The following SEMA3B variants were observed in gnomAD, a reference collection of about 807,000 sequenced individuals.
The protein encoded by SEMA3B is semaphorin-3B.
In SEMA3B, 71 loss-of-function variants were observed where a neutral mutation model predicts 77.8. The ratio of observed to expected loss-of-function variants is 0.91; its 90% CI spans 0.75 to 1.11. The LOEUF is 1.11. Among genes scored for constraint, SEMA3B ranks in the 50% most tolerant of loss-of-function variants. The pLI is 0.00. For synonymous variants in SEMA3B, 470 were observed against 452.9 expected (o/e 1.04, Z -0.48); for missense variants, 968 against 1,056.8 (o/e 0.92, Z 1.17).
upstream of SEMA3B, chr3:50,267,373 C>T: frequency 6.5e-6 from 1 of 153,122 alleles, no homozygotes; most frequent in Non-Finnish European, 1.5e-5. The surrounding 1 kb of genome is among the most constrained non-coding windows in gnomAD (Gnocchi z 5.7). Flanking sequence ...GCTGGGGTTT[C>T]TTCCTCCCTT....
Position 50,269,283 on chromosome 3 carries a change from C to T in SEMA3B, c.43C>T (p.Leu15=), listed in dbSNP as rs1553704942. Residue 15 remains leucine (L), a synonymous_variant, in exon 1 of 17, where the codon CTG becomes TTG. Transcript: ENST00000616701. This position sits in a 1 kb window ranked among gnomAD's most constrained non-coding sequence, Gnocchi z 4.0. ...GAAAVIPGLA[L]LWAVGLGSAA... ...TGCCGCCGTGATCCCGGGCCTGGCC[C>T]TGCTCTGGGCAGTGGGGCTGGGGAG... The T allele has an allele frequency of 6.5e-7, 1 of 1,538,772 alleles. No homozygotes were observed. The highest frequency in any genetic ancestry group is 8.7e-7 in the Non-Finnish European group (1 of 1,146,596).
At position 50,270,885 on chromosome 3, in the gene SEMA3B, A is replaced by G; in HGVS notation, c.331-5A>G. 1 of 1,597,398 alleles carries G rather than the reference A, an allele frequency of 6.3e-7. No homozygotes were observed. The highest frequency in any genetic ancestry group is 8.5e-7 in the Non-Finnish European group (1 of 1,171,814). On this transcript the variant is annotated splice_polypyrimidine_tract_variant and splice_region_variant and intron_variant, in intron 3 of 16. Transcript: ENST00000616701. The surrounding 1 kb of genome is among the most constrained non-coding windows in gnomAD (Gnocchi z 4.7). ...GGGGAAGCCTCACACCTCCAACCCT[A>G]CTAGACTGAGTGCATGAACTTCGTG...
In SEMA3B at chr3:50,275,387, G is replaced by A. The variant is rs1553706357; in HGVS notation, c.1577G>A (p.Cys526Tyr). 6 of 1,591,460 alleles carry A rather than the reference G, an allele frequency of 3.8e-6. No homozygotes were observed. Among genetic ancestry groups the A allele is most frequent in the South Asian group, 1.1e-5 (1 of 88,784 alleles). Residue 526 changes from cysteine (C) to tyrosine (Y), a missense_variant, in exon 14 of 17, where the codon TGC (cysteine) becomes TAC (tyrosine). Physicochemically the swap from Cys to Tyr is radical, Grantham distance 194 (BLOSUM62 -2). Coordinates refer to ENST00000616701, the MANE Select transcript of SEMA3B (RefSeq NM_001290060.2). The surrounding 1 kb of genome is among the most constrained non-coding windows in gnomAD (Gnocchi z 7.5). ...CAAHGRVCTE[C>Y]CLARDPYCAW... ...GCCCACGGCCGCGTCTGCACCGAAT[G>A]CTGTCTGGCGCGTGACCCCTACTGC...
chr3:50,269,215 A>AACCCTGAGC lies in SEMA3B; in HGVS notation c.-16_-8dup. ...GGCTCCTCCACACACACACCCGCTG[A>AACCCTGAGC]ACCCTGAGCACCCTGAGCTGCTGAG... On this transcript the variant is annotated 5_prime_UTR_variant, in exon 1 of 17. Coordinates refer to ENST00000616701, the MANE Select transcript of SEMA3B (RefSeq NM_001290060.2). This position sits in a 1 kb window ranked among gnomAD's most constrained non-coding sequence, Gnocchi z 4.0. 1 of 1,503,760 alleles carries AACCCTGAGC rather than the reference A, an allele frequency of 6.6e-7. No individual in the cohort carries two copies. Among genetic ancestry groups the AACCCTGAGC allele is most frequent in the Non-Finnish European group, 8.9e-7 (1 of 1,117,326 alleles). The allele number at this position is 1,503,760 out of a possible 1,614,324, so 93.2% of individuals were successfully genotyped here. A position where few individuals can be genotyped will look rare whatever the true frequency, so the allele number is the denominator to read the frequency against.
rs782151140 is a variant in SEMA3B at position 50,276,670 on chromosome 3, C to T, written c.2214C>T (p.Arg738=). The part of the protein sequence containing the change: ...RNRRTHAPEP[R]AERGPRSATH... Reference sequence around the variant, plus strand: ...GGAGGACCCACGCCCCTGAGCCTCGCGCTGAGCGGGGGCCGCGCAGCGCAA... The same window carrying T: ...GGAGGACCCACGCCCCTGAGCCTCGTGCTGAGCGGGGGCCGCGCAGCGCAA... The change falls in exon 17 of 17, where the codon CGC becomes CGT. Residue 738 remains arginine (R), a synonymous_variant. Coordinates refer to ENST00000616701, the MANE Select transcript of SEMA3B (RefSeq NM_001290060.2). This position sits in a 1 kb window ranked among gnomAD's most constrained non-coding sequence, Gnocchi z 5.8. The T allele has an allele frequency of 4.5e-6, 7 of 1,570,690 alleles. No homozygotes were observed. The highest frequency in any genetic ancestry group is 6.0e-6 in the Non-Finnish European group (7 of 1,165,370).
In SEMA3B at chr3:50,273,795, C is replaced by A. The variant is rs1553705898; in HGVS notation, c.959C>A (p.Thr320Asn). Residue 320 changes from threonine (T) to asparagine (N), a missense_variant, in exon 9 of 17, where the codon ACC becomes AAC. Coordinates refer to ENST00000616701, the MANE Select transcript of SEMA3B (RefSeq NM_001290060.2). The surrounding 1 kb of genome is among the most constrained non-coding windows in gnomAD (Gnocchi z 6.5). The part of the protein sequence containing the change: ...VFLLSSRDHR[T>N]PLLYAVFSTS... Reference sequence around the variant, plus strand: ...CTGTTGTCCTCGCGGGACCACCGGACCCCGCTGCTCTATGCCGTCTTCTCC... The same window carrying A: ...CTGTTGTCCTCGCGGGACCACCGGAACCCGCTGCTCTATGCCGTCTTCTCC... 1 of 1,590,134 alleles carries A rather than the reference C, an allele frequency of 6.3e-7. No homozygotes were observed. Among genetic ancestry groups the A allele is most frequent in the Non-Finnish European group, 8.5e-7 (1 of 1,170,046 alleles).
Position 50,269,368 on chromosome 3 carries a change from C to T in SEMA3B, c.109+19C>T, listed in dbSNP as rs587765815. 2.3e-5 allele frequency: 32 copies of T among 1,392,418 alleles called. No individual in the cohort carries two copies. The highest frequency in any genetic ancestry group is 2.2e-4 in the Middle Eastern group (1 of 4,562). 86.3% of individuals were successfully genotyped at this position (1,392,418 alleles called of 1,614,324 possible). A position where few individuals can be genotyped will look rare whatever the true frequency, so the allele number is the denominator to read the frequency against. On this transcript the variant is annotated intron_variant, in intron 1 of 16. Transcript: ENST00000616701. This position sits in a 1 kb window ranked among gnomAD's most constrained non-coding sequence, Gnocchi z 4.0. ...TTCCAAGGTAGGTGCACCTGGCAGG[C>T]GGGAGGGCCCAGCTTGAGGTGGGCA... is the stretch of plus-strand genomic sequence containing the variant.
In SEMA3B at chr3:50,275,885, C is replaced by A; in HGVS notation, c.1845+41C>A. On this transcript the variant is annotated intron_variant, in intron 16 of 16. Transcript: ENST00000616701. This position sits in a 1 kb window ranked among gnomAD's most constrained non-coding sequence, Gnocchi z 7.5. ...CCCTCCCCGCCAGGCTCCTGTCCCA[C>A]CCCCTGCATCCAGGAGAGGCCCCGC... The A allele has an allele frequency of 1.3e-6, 2 of 1,545,252 alleles. No individual in the cohort carries two copies. Among genetic ancestry groups the A allele is most frequent in the South Asian group, 1.2e-5 (1 of 82,494 alleles).
At chr3:50,261,359 T>G in the SEMA3B span, 1 of 152,266 alleles carries the variant, frequency 6.6e-6, no homozygotes, top group Non-Finnish European at 1.5e-5. Flanking sequence ...GAAGTTGATC[T>G]GCCTCCCAGA....
rs782024484 is a variant in SEMA3B, at chr3:50,273,624, C to T, written c.900C>T (p.Gly300=). Residue 300 remains glycine, a synonymous_variant, in exon 8 of 17, where the codon GGC becomes GGT. Coordinates refer to ENST00000616701, the MANE Select transcript of SEMA3B (RefSeq NM_001290060.2). This position sits in a 1 kb window ranked among gnomAD's most constrained non-coding sequence, Gnocchi z 6.5. The stretch of plus-strand genomic sequence containing the variant: ...TGTGCTCGGTGCCCGGCGTCGAGGG[C>T]GACACCCACTTCGATCAGCTCCGTG... ...RLVCSVPGVE[G]DTHFDQLQDV... The T allele has an allele frequency of 3.1e-6, 5 of 1,611,928 alleles. No individual in the cohort carries two copies. The highest frequency in any genetic ancestry group is 4.2e-6 in the Non-Finnish European group (5 of 1,179,596).
Position 50,270,417 on chromosome 3 carries a change from C to T in SEMA3B, c.268-16C>T, listed in dbSNP as rs1701015577. ...AGTTCCTGACCTGTGTCCCCTCTCC[C>T]CCAACCTCCCGATAGCTGGCCTGGC... On this transcript the variant is annotated splice_polypyrimidine_tract_variant and intron_variant, in intron 2 of 16. Coordinates refer to ENST00000616701, the MANE Select transcript of SEMA3B (RefSeq NM_001290060.2). The surrounding 1 kb of genome is among the most constrained non-coding windows in gnomAD (Gnocchi z 4.7). The T allele has an allele frequency of 6.2e-7, 1 of 1,613,778 alleles. No individual in the cohort carries two copies. Among genetic ancestry groups the T allele is most frequent in the African/African-American group, 1.3e-5 (1 of 75,050 alleles).
chr3:50,274,631 G>A lies in SEMA3B; in HGVS notation c.1357+49G>A. 1 of 1,508,692 alleles carries A rather than the reference G, an allele frequency of 6.6e-7. No individual in the cohort carries two copies. Among genetic ancestry groups the A allele is most frequent in the South Asian group, 1.3e-5 (1 of 75,486 alleles). The allele number at this position is 1,508,692 out of a possible 1,614,324, so 93.5% of individuals were successfully genotyped here. ...CCCAGGCTCCCAGCCAGGCCCTGTGGGCTGCTGATGGAAGCTCTCCCTGTT... is the reference window on the plus strand; with the variant it reads ...CCCAGGCTCCCAGCCAGGCCCTGTGAGCTGCTGATGGAAGCTCTCCCTGTT... On this transcript the variant is annotated intron_variant, in intron 11 of 16. Transcript: ENST00000616701. The surrounding 1 kb of genome is among the most constrained non-coding windows in gnomAD (Gnocchi z 4.7).
upstream of SEMA3B, chr3:50,269,088 G>T (rs2109234716): frequency 1.6e-6 from 1 of 621,846 alleles, no homozygotes; most frequent in East Asian, 2.9e-5. This position sits in a 1 kb window ranked among gnomAD's most constrained non-coding sequence, Gnocchi z 4.0. Flanking sequence ...TTCCCCTAGG[G>T]GCTGTAATCT....
chr3:50,275,492 G>A lies in SEMA3B; in HGVS notation c.1649+33G>A. On this transcript the variant is annotated intron_variant, in intron 14 of 16. Coordinates refer to ENST00000616701, the MANE Select transcript of SEMA3B (RefSeq NM_001290060.2). This position sits in a 1 kb window ranked among gnomAD's most constrained non-coding sequence, Gnocchi z 7.5. ...GGGTCGGGGTTGGGCCGCCGGGAGGGAGGCGAAGGGTCTTTCACTGCCCGG... is the reference window on the plus strand; with the variant it reads ...GGGTCGGGGTTGGGCCGCCGGGAGGAAGGCGAAGGGTCTTTCACTGCCCGG... The A allele has an allele frequency of 6.2e-7, 1 of 1,607,360 alleles. No individual in the cohort carries two copies. Among genetic ancestry groups the A allele is most frequent in the Non-Finnish European group, 8.5e-7 (1 of 1,175,132 alleles).
At position 50,269,314 on chromosome 3, in the gene SEMA3B, C is replaced by T. The variant is rs1396415813; in HGVS notation, c.74C>T (p.Ala25Val). Residue 25 changes from alanine (A) to valine (V), a missense_variant, in exon 1 of 17, where the codon GCC becomes GTC. Transcript: ENST00000616701. The surrounding 1 kb of genome is among the most constrained non-coding windows in gnomAD (Gnocchi z 4.0). ...LLWAVGLGSA[A>V]PSPPRLRLSF... ...TGGGCAGTGGGGCTGGGGAGTGCCG[C>T]CCCCAGCCCCCCACGCCTTCGGCTC... The T allele has an allele frequency of 1.3e-6, 2 of 1,522,850 alleles. No homozygotes were observed. The highest frequency in any genetic ancestry group is 2.2e-5 in the Admixed American group (1 of 45,604). 94.3% of individuals were successfully genotyped at this position (1,522,850 alleles called of 1,614,324 possible). A position where few individuals can be genotyped will look rare whatever the true frequency, so the allele number is the denominator to read the frequency against.
chr3:50,266,102 C>A (rs1575462982), upstream of SEMA3B, among the ~76,000 whole-genome samples: 1 of 152,110 alleles, frequency 6.6e-6, no homozygotes, highest in South Asian at 2.1e-4. Flanking sequence ...AGAGACAGGG[C>A]CCCTGGGCCT....
rs1553706068 is a variant in SEMA3B, at chr3:50,274,272, C to A, written c.1138-91C>A. ...CAGGGCAGGGTTCTGTCCCCATCCC[C>A]CTCCATGTTCCCAGAGGCTGGGCAT... On this transcript the variant is annotated intron_variant, in intron 10 of 16. Coordinates refer to ENST00000616701, the MANE Select transcript of SEMA3B (RefSeq NM_001290060.2). The surrounding 1 kb of genome is among the most constrained non-coding windows in gnomAD (Gnocchi z 4.7). 1 of 1,237,858 alleles carries A rather than the reference C, an allele frequency of 8.1e-7. No individual in the cohort carries two copies. Among genetic ancestry groups the A allele is most frequent in the African/African-American group, 1.5e-5 (1 of 65,418 alleles). 76.7% of individuals were successfully genotyped at this position (1,237,858 alleles called of 1,614,324 possible). A position where few individuals can be genotyped will look rare whatever the true frequency, so the allele number is the denominator to read the frequency against.
At chr3:50,271,273 C>G (rs1233440913) in intron 5 of SEMA3B, 88 bp from the exon 6 acceptor site, 1 of 1,547,992 alleles carries the variant, frequency 6.5e-7, no homozygotes, top group Admixed American at 2.0e-5. Flanking sequence ...AGGGAATCCC[C>G]CATAACCTCA....
At position 50,269,425 on chromosome 3, in the gene SEMA3B, G is replaced by T; in HGVS notation, c.109+76G>T. ...GGTCCCCGTATGGCCAGGGGGCTCT[G>T]TGTTGGCTGTTGCCCCATGTGCGTG... is the stretch of plus-strand genomic sequence containing the variant. On this transcript the variant is annotated intron_variant, in intron 1 of 16. Coordinates refer to ENST00000616701, the MANE Select transcript of SEMA3B (RefSeq NM_001290060.2). This position sits in a 1 kb window ranked among gnomAD's most constrained non-coding sequence, Gnocchi z 4.0. 3.4e-6 allele frequency: 3 copies of T among 891,318 alleles called. No homozygotes were observed. The South Asian group carries it at 5.3e-5, about 16-fold the overall frequency. 55.2% of individuals were successfully genotyped at this position (891,318 alleles called of 1,614,324 possible).
Sources: gnomAD v4.1 joint callset for allele counts (sites outside exome capture counted in the v4.1 genomes callset) on GRCh38, gnomAD v4.1.1 for gene constraint, Gnocchi (gnomAD v3.1) non-coding constraint, MANE v1.5 for transcripts, NCBI Gene and HGNC (gene_info 2026-07-23, HGNC 2026-07-21) for gene names.